The following UGT1A8 variants were observed in gnomAD, a reference collection of about 807,000 sequenced individuals.
UGT1A8 encodes UDP-glucuronosyltransferase 1A8.
UGT1A8 carries 39 observed loss-of-function variants against 45.3 expected under a neutral mutation model. The observed-to-expected ratio is 0.86, with a 90% CI of 0.67 to 1.12. The LOEUF (loss-of-function observed/expected upper bound fraction) is 1.12. UGT1A8 is among the 50% of genes most tolerant of loss of function. The pLI is 0.00. For missense variants in UGT1A8, 719 were observed against 664.9 expected, an observed-to-expected ratio of 1.08 and a Z score of -0.90; for synonymous variants, 275 against 249.2, an observed-to-expected ratio of 1.10 and a Z score of -0.97.
intron 1 of UGT1A8, among the ~76,000 whole-genome samples, chr2:233,761,819 C>T (rs1222575733): frequency 6.6e-6 from 1 of 152,192 alleles, no homozygotes; most frequent in East Asian, 1.9e-4. Flanking sequence ...AGGAGAGGCT[C>T]CTTCAGATGG....
chr2:233,697,115 C>G (rs1237867700), intron 1 of UGT1A8, among the ~76,000 whole-genome samples: 1 of 151,998 alleles, frequency 6.6e-6, no homozygotes, highest in Non-Finnish European at 1.5e-5. Flanking sequence ...GAAGTATTCT[C>G]TCCTCTTCAT....
At chr2:233,626,464 C>G (rs2125451324) in intron 1 of UGT1A8, among the ~76,000 whole-genome samples, 1 of 152,142 alleles carries the variant, frequency 6.6e-6, no homozygotes, top group South Asian at 2.1e-4. Flanking sequence ...CACTTTATCC[C>G]CCACCTTATG....
chr2:233,689,586 A>G (rs2074950565), intron 1 of UGT1A8, among the ~76,000 whole-genome samples: 1 of 152,230 alleles, frequency 6.6e-6, no homozygotes, highest in Non-Finnish European at 1.5e-5. Flanking sequence ...CAATTAGCTA[A>G]GGAAGAGAAG....
chr2:233,752,750 C>G (rs1270384572), intron 1 of UGT1A8, among the ~76,000 whole-genome samples: 1 of 151,980 alleles, frequency 6.6e-6, no homozygotes, highest in African/African-American at 2.4e-5. Flanking sequence ...GTCTCTAAAA[C>G]AAACAAACAA....
intron 1 of UGT1A8, among the ~76,000 whole-genome samples, chr2:233,678,747 C>T (rs906569876): frequency 8.9e-5 from 13 of 146,500 alleles, no homozygotes; most frequent in African/African-American, 2.9e-4. Context: ...TTGGAAAGCA[C>T]TCATCTCTAT....
At chr2:233,744,789 C>A (rs957843917) in intron 1 of UGT1A8, among the ~76,000 whole-genome samples, 10 of 151,986 alleles carry the variant, frequency 6.6e-5, no homozygotes, top group Admixed American at 2.6e-4. Flanking sequence ...CTGAAAAATT[C>A]TTGGGGATCC....
intron 1 of UGT1A8, chr2:233,747,729 T>A: frequency 6.2e-7 from 1 of 1,613,510 alleles, no homozygotes. Context: ...TGTGTTTTTT[T>A]TGAGGAACAT....
rs115260898 is a variant in UGT1A8 at position 233,657,822 on chromosome 2, A to T, written c.855+39260A>T. 8.3e-3 allele frequency among the ~76,000 whole-genome samples: 1,258 copies of T among 152,274 alleles called. 9 individuals are homozygous for T. The highest frequency in any genetic ancestry group is 0.028 in the African/African-American group (1,182 of 41,538). ...TGTTCTTTGGTAAATGTTCAGGTCTATGCCACTTTTTAAGAAATTGGGTTT... is the reference window on the plus strand; with the variant it reads ...TGTTCTTTGGTAAATGTTCAGGTCTTTGCCACTTTTTAAGAAATTGGGTTT... On this transcript the variant is annotated intron_variant, in intron 1 of 4. Transcript: ENST00000373450.
chr2:233,686,222 A>G (rs1305153214), intron 1 of UGT1A8, among the ~76,000 whole-genome samples: 2 of 151,976 alleles, frequency 1.3e-5, no homozygotes, highest in Admixed American at 6.6e-5. Context: ...AATATTTGTG[A>G]CCTTGGATTT....
intron 1 of UGT1A8, among the ~76,000 whole-genome samples, chr2:233,706,158 T>C (rs781682241): frequency 2.0e-5 from 3 of 152,190 alleles, no homozygotes; most frequent in Non-Finnish European, 4.4e-5. Context: ...GAGAACCTTC[T>C]AAATGTGGAA....
At position 233,672,714 on chromosome 2, in the gene UGT1A8, C is replaced by G. The variant is rs200148096; in HGVS notation, c.855+54152C>G. On this transcript the variant is annotated intron_variant, in intron 1 of 4. Transcript: ENST00000373450. ...TGTTGCGAACGGACTTTGTTTTGGA[C>G]TATCCCAAACCCGTGATGCCCAACA... is the stretch of plus-strand genomic sequence containing the variant. 162 of 1,613,924 alleles carry G rather than the reference C, an allele frequency of 1.0e-4. 1 individual carries two copies. In the East Asian group the frequency reaches 2.1e-3, roughly 21 times the overall value.
chr2:233,657,163 C>CACTAGCTAT (rs1376593548), intron 1 of UGT1A8, among the ~76,000 whole-genome samples: 1 of 152,230 alleles, frequency 6.6e-6, no homozygotes, highest in East Asian at 1.9e-4. Flanking sequence ...TGCTGGCCCC[C>CACTAGCTAT]ACTAGCTATC....
intron 1 of UGT1A8, among the ~76,000 whole-genome samples, chr2:233,733,343 A>G (rs1239726536): frequency 4.6e-5 from 7 of 152,182 alleles, no homozygotes. Flanking sequence ...TTCCAACAGT[A>G]TGTTGAGTAG....
At chr2:233,656,261 G>A (rs1457967443) in intron 1 of UGT1A8, among the ~76,000 whole-genome samples, 1 of 152,160 alleles carries the variant, frequency 6.6e-6, no homozygotes, top group East Asian at 1.9e-4. Context: ...ACATCAAAAG[G>A]TCTCTTCAGG....
At chr2:233,757,539 T>TATATACATATACATAC (rs762018928) in intron 1 of UGT1A8, among the ~76,000 whole-genome samples, 3 of 115,748 alleles carry the variant, frequency 2.6e-5, no homozygotes, top group Admixed American at 2.5e-4. Context: ...GTAAGGAATA[T>TATATACATATACATAC]ATATATATAT....
chr2:233,743,960 G>C (rs745723342), intron 1 of UGT1A8: 11 of 1,334,214 alleles, frequency 8.2e-6, no homozygotes, highest in Non-Finnish European at 1.1e-5. Flanking sequence ...CACAGCGAGC[G>C]GCAAGGCTGC....
At chr2:233,647,624 G>A (rs557828129) in intron 1 of UGT1A8, among the ~76,000 whole-genome samples, 43 of 152,316 alleles carry the variant, frequency 2.8e-4, no homozygotes, top group African/African-American at 9.9e-4. Context: ...CTGACAGCTT[G>A]TGTCTTTTAA....
intron 1 of UGT1A8, among the ~76,000 whole-genome samples, chr2:233,618,816 G>T (rs1007488786): frequency 4.6e-5 from 7 of 151,996 alleles, no homozygotes; most frequent in African/African-American, 1.7e-4. Flanking sequence ...ACCATGTTTA[G>T]AAAAGTACCA....
At chr2:233,709,935 G>T (rs984071244) in intron 1 of UGT1A8, among the ~76,000 whole-genome samples, 8 of 152,098 alleles carry the variant, frequency 5.3e-5, no homozygotes, top group Non-Finnish European at 1.2e-4. Context: ...GGCAACCCTG[G>T]ATGGTTTCTG....
Sources: allele counts gnomAD v4.1 joint callset (sites outside exome capture counted in the v4.1 genomes callset), GRCh38; gene constraint gnomAD v4.1.1; transcripts MANE v1.5; gene names NCBI Gene and HGNC (gene_info 2026-07-23, HGNC 2026-07-21).